PPARGC1A: variants seen among roughly 807,000 people sequenced by gnomAD.
The protein encoded by PPARGC1A is PPARG coactivator 1 alpha.
PPARGC1A carries 25 observed loss-of-function variants against 88.7 expected under a neutral mutation model. That is an observed-to-expected ratio of 0.28 (90% CI 0.21 to 0.39). The LOEUF is 0.39. PPARGC1A is among the 10% of genes least tolerant of loss of function. PPARGC1A has a pLI of 1.00. For missense variants in PPARGC1A, 880 were observed against 968.7 expected (o/e 0.91, Z 1.22); for synonymous variants, 363 against 355.6 (o/e 1.02, Z -0.24).
At chr4:24,317,209 GTTCA>G in the PPARGC1A span, among the ~76,000 whole-genome samples, 1 of 151,972 alleles carries the variant, frequency 6.6e-6, no homozygotes, top group Admixed American at 6.6e-5. Flanking sequence ...TTATTCATGT[GTTCA>G]TTCAAACACT....
chr4:24,385,571 T>C, the PPARGC1A span, among the ~76,000 whole-genome samples: 12 of 151,944 alleles, frequency 7.9e-5, no homozygotes, highest in Admixed American at 5.9e-4. Context: ...TCACCACTGA[T>C]CCCACAGAAA....
chr4:24,389,429 C>G, the PPARGC1A span, among the ~76,000 whole-genome samples: 1 of 152,158 alleles, frequency 6.6e-6, no homozygotes, highest in Non-Finnish European at 1.5e-5. Context: ...CTTAGAGACC[C>G]TCAATGAGTT....
the PPARGC1A span, among the ~76,000 whole-genome samples, chr4:23,955,577 GC>G: frequency 1.3e-5 from 2 of 152,032 alleles, no homozygotes; most frequent in Non-Finnish European, 2.9e-5. Context: ...GTTCAGGAAA[GC>G]AACAGCATTG....
the PPARGC1A span, among the ~76,000 whole-genome samples, chr4:24,204,984 G>A: frequency 1.3e-5 from 2 of 152,068 alleles, no homozygotes; most frequent in South Asian, 2.1e-4. Context: ...ACCACGCCCA[G>A]CTAATTGTTC....
chr4:23,836,134 C>A (rs1188149706), intron 2 of PPARGC1A, among the ~76,000 whole-genome samples: 1 of 152,156 alleles, frequency 6.6e-6, no homozygotes, highest in Non-Finnish European at 1.5e-5. Flanking sequence ...TATGTCTTAG[C>A]TCCATCCGAG....
At chr4:24,439,900 G>T in the PPARGC1A span, among the ~76,000 whole-genome samples, 1 of 152,290 alleles carries the variant, frequency 6.6e-6, no homozygotes, top group South Asian at 2.1e-4. Context: ...TAAGGTCCAA[G>T]AAGGAGACTT....
chr4:24,422,802 A>G, the PPARGC1A span, among the ~76,000 whole-genome samples: 1 of 152,204 alleles, frequency 6.6e-6, no homozygotes, highest in Non-Finnish European at 1.5e-5. Flanking sequence ...AACAATGGGT[A>G]GGCTCTGGAA....
chr4:23,817,795 A>T (rs1169388833), intron 7 of PPARGC1A, among the ~76,000 whole-genome samples: 3 of 152,208 alleles, frequency 2.0e-5, no homozygotes, highest in African/African-American at 7.2e-5. Flanking sequence ...ACGGATGACA[A>T]GATTTCCTAT....
At chr4:23,921,113 C>A in the PPARGC1A span, among the ~76,000 whole-genome samples, 1 of 152,102 alleles carries the variant, frequency 6.6e-6, no homozygotes, top group South Asian at 2.1e-4. Flanking sequence ...GAGCACAGTG[C>A]AAAGCGAACA....
the PPARGC1A span, among the ~76,000 whole-genome samples, chr4:24,044,842 T>C: frequency 6.6e-6 from 1 of 152,096 alleles, no homozygotes; most frequent in Non-Finnish European, 1.5e-5. Context: ...TGGGCAACAG[T>C]CCTTAAACCT....
chr4:24,121,328 T>C, the PPARGC1A span, among the ~76,000 whole-genome samples: 2 of 152,164 alleles, frequency 1.3e-5, no homozygotes, highest in African/African-American at 2.4e-5. Flanking sequence ...CCGCCAACCC[T>C]GCCCTCAGGA....
At chr4:24,166,272 T>G in the PPARGC1A span, among the ~76,000 whole-genome samples, 1 of 152,172 alleles carries the variant, frequency 6.6e-6, no homozygotes, top group East Asian at 1.9e-4. Flanking sequence ...TGGCAGGGGT[T>G]AGTTCATGAG....
the PPARGC1A span, among the ~76,000 whole-genome samples, chr4:24,041,092 T>A: frequency 1.3e-5 from 2 of 152,208 alleles, no homozygotes; most frequent in East Asian, 1.9e-4. Context: ...GGTTTCCCTG[T>A]GCAGGGAATT....
At chr4:24,105,092 C>T in the PPARGC1A span, among the ~76,000 whole-genome samples, 45 of 152,320 alleles carry the variant, frequency 3.0e-4, no homozygotes, top group African/African-American at 1.1e-3. Context: ...TACATTGGAA[C>T]ATGTTTCTAA....
chr4:24,433,574 G>T, the PPARGC1A span, among the ~76,000 whole-genome samples: 2 of 152,122 alleles, frequency 1.3e-5, no homozygotes, highest in South Asian at 4.2e-4. Flanking sequence ...TATGAATGAT[G>T]CCTCTTGCCT....
At chr4:24,054,480 G>T in the PPARGC1A span, among the ~76,000 whole-genome samples, 1 of 152,108 alleles carries the variant, frequency 6.6e-6, no homozygotes, top group Admixed American at 6.6e-5. Flanking sequence ...TCCATTTAGG[G>T]TTTTAAATAC....
chr4:23,963,539 T>A, the PPARGC1A span, among the ~76,000 whole-genome samples: 60 of 152,310 alleles, frequency 3.9e-4, no homozygotes, highest in African/African-American at 1.4e-3. Context: ...TTTGTAATTA[T>A]TAGTTAAGAC....
chr4:23,974,090 C>T, the PPARGC1A span, among the ~76,000 whole-genome samples: 2 of 152,126 alleles, frequency 1.3e-5, no homozygotes, highest in East Asian at 1.9e-4. Flanking sequence ...CAGTAGAGAA[C>T]GGGCCCAAGT....
chr4:23,883,058 A>G (rs1363094831), intron 2 of PPARGC1A: 2 of 152,178 alleles, frequency 1.3e-5, no homozygotes, highest in African/African-American at 4.8e-5. Context: ...TTAATGCAGC[A>G]TGACTTAGAA....
Sources: allele counts gnomAD v4.1 joint callset (sites outside exome capture counted in the v4.1 genomes callset), GRCh38; gene constraint gnomAD v4.1.1; transcripts MANE v1.5; gene names NCBI Gene and HGNC (gene_info 2026-07-23, HGNC 2026-07-21).